Variants in ASTN1 observed in about 807,000 individuals in gnomAD.
ASTN1 encodes astrotactin-1.
ASTN1 carries 41 observed loss-of-function variants against 140.7 expected under a neutral mutation model. That is an observed-to-expected ratio of 0.29 (90% CI 0.23 to 0.38). ASTN1 has a LOEUF of 0.38. Ranked by LOEUF, ASTN1 falls within the 10% of genes least tolerant of loss-of-function variation. The pLI, the probability that ASTN1 is intolerant of heterozygous loss-of-function variation, is 1.00. For missense variants in ASTN1, 1,479 were observed against 1,678.8 expected (o/e 0.88, Z 2.08); for synonymous variants, 640 against 652.2 (o/e 0.98, Z 0.29).
chr1:177,024,113 G>A (rs1675976639), intron 6 of ASTN1, among the ~76,000 whole-genome samples: 1 of 152,198 alleles, frequency 6.6e-6, no homozygotes, highest in Admixed American at 6.5e-5. Flanking sequence ...TTATATTGGG[G>A]TCCCCCTGGA....
intron 1 of ASTN1, among the ~76,000 whole-genome samples, chr1:177,133,917 CTT>C (rs924971734): frequency 6.6e-6 from 1 of 152,176 alleles, no homozygotes; most frequent in African/African-American, 2.4e-5. Context: ...ATTCCAGTAA[CTT>C]ATCTTGAATA....
At chr1:177,085,023 T>C (rs1333310518) in intron 1 of ASTN1, among the ~76,000 whole-genome samples, 1 of 152,102 alleles carries the variant, frequency 6.6e-6, no homozygotes, top group Non-Finnish European at 1.5e-5. Context: ...AACAAGTGAA[T>C]GTTAAGGAAT....
intron 8 of ASTN1, among the ~76,000 whole-genome samples, chr1:177,008,991 A>G (rs760949119): frequency 3.3e-5 from 5 of 152,172 alleles, no homozygotes; most frequent in Non-Finnish European, 7.3e-5. Context: ...ATGAGCTAGA[A>G]ATAGGCAAAG....
At chr1:177,145,885 T>C (rs1346174872) in intron 1 of ASTN1, among the ~76,000 whole-genome samples, 1 of 152,222 alleles carries the variant, frequency 6.6e-6, no homozygotes, top group Non-Finnish European at 1.5e-5. Flanking sequence ...CCATGGGAGT[T>C]AGGTCAGCAG....
At position 177,036,036 on chromosome 1, in the gene ASTN1, C is replaced by CTTT. The variant is rs869200407; in HGVS notation, c.472-3190_472-3188dup. On this transcript the variant is annotated intron_variant, in intron 2 of 22. Transcript: ENST00000361833. ...CTCTGGATGGGATGACCTCAGCTTT[C>CTTT]TTTTTTTTTTTTTTTTTTTTTTTTT... Among the ~76,000 whole-genome samples, 725 of 78,802 alleles carry CTTT rather than the reference C, an allele frequency of 9.2e-3. 119 individuals are homozygous for CTTT. Among genetic ancestry groups the CTTT allele is most frequent in the African/African-American group, 0.037 (679 of 18,138 alleles). The allele number at this position is 78,802 out of a possible 152,430, so 51.7% of individuals were successfully genotyped here.
chr1:176,875,420 C>A (rs1418284126), intron 21 of ASTN1, among the ~76,000 whole-genome samples: 1 of 152,126 alleles, frequency 6.6e-6, no homozygotes, highest in Non-Finnish European at 1.5e-5. Context: ...TTAAGAAGGG[C>A]CCTTGATATG....
chr1:176,858,338 T>C (rs1016349815), downstream of ASTN1, among the ~76,000 whole-genome samples: 4 of 152,248 alleles, frequency 2.6e-5, no homozygotes, highest in African/African-American at 9.6e-5. Flanking sequence ...GAAATCAAAC[T>C]GCTCATTAAC....
intron 11 of ASTN1, among the ~76,000 whole-genome samples, chr1:176,952,263 T>TCAAACACA (rs1672222974): frequency 6.6e-6 from 1 of 151,838 alleles, no homozygotes; most frequent in Non-Finnish European, 1.5e-5. Context: ...CTCTCTCTTT[T>TCAAACACA]CAAACACACA....
At chr1:177,100,382 G>A (rs1417853552) in intron 1 of ASTN1, among the ~76,000 whole-genome samples, 2 of 152,034 alleles carry the variant, frequency 1.3e-5, no homozygotes, top group African/African-American at 2.4e-5. Context: ...TAAGACAAGT[G>A]ACAGCTCCTA....
chr1:177,157,310 T>C (rs577684780), intron 1 of ASTN1, among the ~76,000 whole-genome samples: 95 of 152,222 alleles, frequency 6.2e-4, no homozygotes, highest in African/African-American at 2.2e-3. Flanking sequence ...GTTGTTGTTG[T>C]TGTTGTTGTT....
rs765135756 is a variant in ASTN1, at chr1:176,930,326, G to A, written c.2671+3826C>T. On this transcript the variant is annotated intron_variant, in intron 16 of 22. Transcript: ENST00000361833. ...AGCATCCATCATTGAGGTGCCTGGA[G>A]AATTTCCTGGTAGAAATGCTAAACA... 6.2e-4 allele frequency among the ~76,000 whole-genome samples: 95 copies of A among 152,104 alleles called. 1 individual carries two copies. Among genetic ancestry groups the A allele is most frequent in the Non-Finnish European group, 2.5e-4 (17 of 68,008 alleles).
intron 16 of ASTN1, among the ~76,000 whole-genome samples, chr1:176,897,448 C>T (rs1669565577): frequency 6.6e-6 from 1 of 152,104 alleles, no homozygotes; most frequent in Non-Finnish European, 1.5e-5. Context: ...TCTAATTATA[C>T]GCATTTCCTA....
At chr1:177,102,361 A>G (rs1447282906) in intron 1 of ASTN1, among the ~76,000 whole-genome samples, 4 of 152,208 alleles carry the variant, frequency 2.6e-5, no homozygotes, top group African/African-American at 4.8e-5. Context: ...AAACCTATGC[A>G]GGTTATACTG....
chr1:177,015,729 A>T (rs906045044), intron 7 of ASTN1, among the ~76,000 whole-genome samples: 3 of 152,150 alleles, frequency 2.0e-5, no homozygotes, highest in African/African-American at 7.2e-5. Flanking sequence ...CATAACATTC[A>T]TCTTATTTAC....
chr1:176,953,275 A>T (rs961164502), intron 11 of ASTN1, among the ~76,000 whole-genome samples: 2 of 152,210 alleles, frequency 1.3e-5, no homozygotes, highest in African/African-American at 4.8e-5. Flanking sequence ...GGAGATGAGT[A>T]TGAGAGATAA....
chr1:177,077,848 G>A (rs1678991618), intron 1 of ASTN1, among the ~76,000 whole-genome samples: 1 of 152,152 alleles, frequency 6.6e-6, no homozygotes, highest in Admixed American at 6.5e-5. Flanking sequence ...TCACCCAAGG[G>A]CAGCCGTCTG....
intron 1 of ASTN1, among the ~76,000 whole-genome samples, chr1:177,112,275 G>A (rs528830376): frequency 2.4e-4 from 36 of 152,306 alleles, no homozygotes; most frequent in African/African-American, 8.4e-4. Flanking sequence ...TGTTTTTGCT[G>A]CTGACAGTGG....
intron 1 of ASTN1, among the ~76,000 whole-genome samples, chr1:177,154,783 A>T (rs1683173765): frequency 6.6e-6 from 1 of 150,730 alleles, no homozygotes. Context: ...CAAATCAATA[A>T]ACGACTGGAA....
At chr1:176,890,440 A>C (rs1428751798) in intron 17 of ASTN1, among the ~76,000 whole-genome samples, 2 of 152,128 alleles carry the variant, frequency 1.3e-5, no homozygotes, top group African/African-American at 2.4e-5. Flanking sequence ...TTCTAAAATC[A>C]ATGGAAAAAA....
Sources: gnomAD v4.1 joint callset for allele counts (sites outside exome capture counted in the v4.1 genomes callset) on GRCh38, gnomAD v4.1.1 for gene constraint, MANE v1.5 for transcripts, NCBI Gene and HGNC (gene_info 2026-07-23, HGNC 2026-07-21) for gene names.